Variants in CTNNA2 observed in about 807,000 individuals in gnomAD.
The protein encoded by CTNNA2 is catenin alpha-2.
CTNNA2 carries 42 observed loss-of-function variants against 101.0 expected under a neutral mutation model. The observed-to-expected ratio is 0.42, with a 90% CI of 0.32 to 0.54. The LOEUF (loss-of-function observed/expected upper bound fraction) is 0.54. Among genes scored for constraint, CTNNA2 ranks in the 20% least tolerant of loss-of-function variants. The pLI is 0.14. For missense variants in CTNNA2, 871 were observed against 1,223.1 expected, an observed-to-expected ratio of 0.71 and a Z score of 4.29; for synonymous variants, 450 against 456.4, an observed-to-expected ratio of 0.99 and a Z score of 0.18.
chr2:79,502,005 C>T (rs982859679), intron 4 of CTNNA2, among the ~76,000 whole-genome samples: 2 of 147,706 alleles, frequency 1.4e-5, no homozygotes, highest in Admixed American at 6.8e-5. Flanking sequence ...CCTGCAATTA[C>T]CTCCCCTAAG....
At chr2:79,743,424 T>C (rs1206468122) in intron 2 of CTNNA2, among the ~76,000 whole-genome samples, 2 of 152,152 alleles carry the variant, frequency 1.3e-5, no homozygotes, top group Non-Finnish European at 2.9e-5. Context: ...AAAAGAGTAA[T>C]AATAGATTCA....
intron 15 of CTNNA2, among the ~76,000 whole-genome samples, chr2:80,593,321 G>C (rs1194638706): frequency 6.6e-6 from 1 of 151,894 alleles, no homozygotes; most frequent in East Asian, 1.9e-4. Context: ...CGCTTTCATG[G>C]ATGTGATTTT....
intron 12 of CTNNA2, among the ~76,000 whole-genome samples, chr2:80,559,468 A>G (rs17019328): frequency 0.021 from 3,216 of 152,266 alleles, 88 homozygotes; most frequent in East Asian, 0.12. Flanking sequence ...GTGATAACAC[A>G]TCTGTGGTTT....
intron 4 of CTNNA2, among the ~76,000 whole-genome samples, chr2:79,866,059 G>A (rs1277333211): frequency 6.6e-6 from 1 of 152,174 alleles, no homozygotes; most frequent in Non-Finnish European, 1.5e-5. Context: ...GTTTCAACCA[G>A]GAAAATTAGA....
chr2:80,499,070 G>A (rs1687677502), intron 9 of CTNNA2, among the ~76,000 whole-genome samples: 1 of 152,152 alleles, frequency 6.6e-6, no homozygotes, highest in African/African-American at 2.4e-5. Context: ...TTTTTCAAGA[G>A]CGTTAGGAAG....
intron 7 of CTNNA2, among the ~76,000 whole-genome samples, chr2:80,311,194 C>T (rs555986414): frequency 2.1e-4 from 32 of 152,104 alleles, no homozygotes; most frequent in African/African-American, 6.3e-4. Context: ...AATATATGGG[C>T]GCCCATGCCT....
At chr2:79,592,332 A>C (rs1676916122) in intron 1 of CTNNA2, among the ~76,000 whole-genome samples, 1 of 151,770 alleles carries the variant, frequency 6.6e-6, no homozygotes, top group Admixed American at 6.6e-5. Flanking sequence ...GGGTTTCACC[A>C]TGTTGACCAG....
chr2:80,191,605 T>C (rs1185213465), intron 7 of CTNNA2, among the ~76,000 whole-genome samples: 2 of 152,220 alleles, frequency 1.3e-5, no homozygotes, highest in Non-Finnish European at 2.9e-5. Context: ...ACTTCAGATG[T>C]AGTCTCTTGA....
intron 7 of CTNNA2, among the ~76,000 whole-genome samples, chr2:80,082,345 C>T (rs1171958986): frequency 6.6e-6 from 1 of 152,124 alleles, no homozygotes; most frequent in Non-Finnish European, 1.5e-5. Flanking sequence ...TCCCCAGTAC[C>T]TAGCAGAATG....
At chr2:80,488,452 AT>A (rs2149512826) in intron 9 of CTNNA2, among the ~76,000 whole-genome samples, 1 of 152,240 alleles carries the variant, frequency 6.6e-6, no homozygotes, top group African/African-American at 2.4e-5. Flanking sequence ...GATGCCATCA[AT>A]TTTATAAAAT....
intron 2 of CTNNA2, among the ~76,000 whole-genome samples, chr2:79,291,853 A>G (rs1480300370): frequency 6.6e-6 from 1 of 152,168 alleles, no homozygotes; most frequent in Admixed American, 6.5e-5. Flanking sequence ...AAAATTATTT[A>G]CCTGTGCATT....
At chr2:79,728,894 G>A (rs572188400) in intron 2 of CTNNA2, among the ~76,000 whole-genome samples, 5 of 152,102 alleles carry the variant, frequency 3.3e-5, no homozygotes, top group Admixed American at 2.0e-4. Flanking sequence ...GTAGATATGC[G>A]GCGTTATTTT....
chr2:80,350,176 A>C (rs1160614192), intron 7 of CTNNA2, among the ~76,000 whole-genome samples: 1 of 152,016 alleles, frequency 6.6e-6, no homozygotes, highest in Non-Finnish European at 1.5e-5. Context: ...TGAGTGGATA[A>C]ATTTTCAGTA....
chr2:79,504,517 T>C (rs1276835478), intron 4 of CTNNA2, among the ~76,000 whole-genome samples: 10 of 152,298 alleles, frequency 6.6e-5, no homozygotes, highest in Non-Finnish European at 1.0e-4. Context: ...CTCACACTCC[T>C]GACCTCAGGT....
chr2:80,311,612 T>G (rs1161982917), intron 7 of CTNNA2, among the ~76,000 whole-genome samples: 1 of 152,210 alleles, frequency 6.6e-6, no homozygotes, highest in Non-Finnish European at 1.5e-5. Context: ...CCAGCCAAAT[T>G]ATTTTCACAA....
chr2:80,014,742 CAA>C (rs1694023093), intron 7 of CTNNA2, among the ~76,000 whole-genome samples: 2 of 152,020 alleles, frequency 1.3e-5, no homozygotes, highest in Non-Finnish European at 2.9e-5. Context: ...AGTCATGAAA[CAA>C]AGAAATTTGC....
intron 7 of CTNNA2, among the ~76,000 whole-genome samples, chr2:80,118,335 G>A (rs530415972): frequency 6.6e-6 from 1 of 152,316 alleles, no homozygotes; most frequent in Admixed American, 6.5e-5. Context: ...AATGGAGGAA[G>A]TCCAGGCTTT....
chr2:80,172,969 T>A (rs1447638030), intron 7 of CTNNA2, among the ~76,000 whole-genome samples: 1 of 152,188 alleles, frequency 6.6e-6, no homozygotes, highest in Non-Finnish European at 1.5e-5. Flanking sequence ...TAAGGTCACA[T>A]TCTGAAGTCC....
At chr2:79,214,736 G>A (rs1430904837) in intron 2 of CTNNA2, among the ~76,000 whole-genome samples, 2 of 152,084 alleles carry the variant, frequency 1.3e-5, no homozygotes, top group Non-Finnish European at 2.9e-5. Context: ...AGATGCGGCT[G>A]TAGTCCAAGA....
Sources: gnomAD v4.1 joint callset for allele counts (sites outside exome capture counted in the v4.1 genomes callset) on GRCh38, gnomAD v4.1.1 for gene constraint, MANE v1.5 for transcripts, NCBI Gene and HGNC (gene_info 2026-07-23, HGNC 2026-07-21) for gene names.